Variants in MIS18A observed in about 807,000 individuals in gnomAD.
MIS18A encodes MIS18 kinetochore protein A.
A neutral mutation model predicts 25.0 loss-of-function variants in MIS18A; 14 were observed. That is an observed-to-expected ratio of 0.56 (90% CI 0.37 to 0.88). The LOEUF (loss-of-function observed/expected upper bound fraction) is 0.88. MIS18A is among the 40% of genes least tolerant of loss of function. The pLI, the probability that MIS18A is intolerant of heterozygous loss-of-function variation, is 0.00. For synonymous variants in MIS18A, 134 were observed against 118.6 expected (o/e 1.13, Z -0.84); for missense variants, 292 against 290.8 (o/e 1.00, Z -0.03).
Position 32,268,940 on chromosome 21 carries a change from C to CT in MIS18A, c.*96dup, listed in dbSNP as rs377622439. ...CGCATGCCTGGCTAATTTTTTTTTTCTTTTTTTTTTTGTAGAGACGACGTC... is the reference window on the plus strand; with the variant it reads ...CGCATGCCTGGCTAATTTTTTTTTTCTTTTTTTTTTTTGTAGAGACGACGTC... On this transcript the variant is annotated 3_prime_UTR_variant, in exon 5 of 5. Coordinates refer to ENST00000290130, the MANE Select transcript of MIS18A (RefSeq NM_018944.3). The CT allele has an allele frequency of 0.097, 50,614 of 520,300 alleles. 225 individuals are homozygous for CT. Among genetic ancestry groups the CT allele is most frequent in the African/African-American group, 0.14 (6,038 of 42,676 alleles). The allele number at this position is 520,300 out of a possible 1,614,324, so 32.2% of individuals were successfully genotyped here. A position where few individuals can be genotyped will look rare whatever the true frequency, so the allele number is the denominator to read the frequency against.
chr21:32,256,095 T>C, the MIS18A span, among the ~76,000 whole-genome samples: 1 of 152,070 alleles, frequency 6.6e-6, no homozygotes, highest in Non-Finnish European at 1.5e-5. Flanking sequence ...AAACAGAAGA[T>C]TCATTATTAA....
the MIS18A span, among the ~76,000 whole-genome samples, chr21:32,222,001 T>G: frequency 2.0e-5 from 3 of 151,948 alleles, no homozygotes; most frequent in East Asian, 5.8e-4. Flanking sequence ...ACTGGCAAAT[T>G]GGATAAAGAG....
the MIS18A span, among the ~76,000 whole-genome samples, chr21:32,253,325 C>T: frequency 1.3e-5 from 2 of 152,154 alleles, no homozygotes; most frequent in African/African-American, 4.8e-5. Flanking sequence ...CAGTTTCCAG[C>T]TGAGGATTGT....
At chr21:32,193,987 G>A in the MIS18A span, among the ~76,000 whole-genome samples, 2 of 152,076 alleles carry the variant, frequency 1.3e-5, no homozygotes, top group African/African-American at 4.8e-5. Flanking sequence ...GTACCCCCTT[G>A]CCAGCTGATA....
At chr21:32,249,644 G>A in the MIS18A span, among the ~76,000 whole-genome samples, 1 of 152,176 alleles carries the variant, frequency 6.6e-6, no homozygotes, top group African/African-American at 2.4e-5. Context: ...AACACATAAA[G>A]AAAAGAGACG....
chr21:32,176,348 G>C, the MIS18A span, among the ~76,000 whole-genome samples: 1 of 152,118 alleles, frequency 6.6e-6, no homozygotes, highest in Admixed American at 6.6e-5. Context: ...ACATCACTAG[G>C]TGATAGGGTT....
chr21:32,199,417 T>G, the MIS18A span, among the ~76,000 whole-genome samples: 61 of 151,908 alleles, frequency 4.0e-4, no homozygotes, highest in African/African-American at 1.5e-3. Flanking sequence ...CATAAAATAT[T>G]TTGCCTTGAA....
chr21:32,268,107 C>T (rs1183650936), downstream of MIS18A: 2 of 152,230 alleles, frequency 1.3e-5, no homozygotes, highest in South Asian at 2.1e-4. Context: ...TTGGGGTTAC[C>T]TTTATATTCC....
the MIS18A span, among the ~76,000 whole-genome samples, chr21:32,162,362 C>T: frequency 6.6e-6 from 1 of 152,194 alleles, no homozygotes; most frequent in African/African-American, 2.4e-5. Flanking sequence ...GGGCGCGCTG[C>T]GTCGAGGATC....
At chr21:32,177,778 T>A in the MIS18A span, among the ~76,000 whole-genome samples, 79 of 152,130 alleles carry the variant, frequency 5.2e-4, 1 homozygote, top group African/African-American at 1.9e-3. Context: ...TATTAATTAG[T>A]AATTATTAGT....
chr21:32,267,140 C>T (rs1271552118), downstream of MIS18A, among the ~76,000 whole-genome samples: 1 of 152,230 alleles, frequency 6.6e-6, no homozygotes, highest in Non-Finnish European at 1.5e-5. Context: ...GCAGCACTCC[C>T]ACCTGGACCC....
chr21:32,219,594 C>T, the MIS18A span, among the ~76,000 whole-genome samples: 1 of 152,104 alleles, frequency 6.6e-6, no homozygotes, highest in Non-Finnish European at 1.5e-5. Flanking sequence ...TTTTTTCATA[C>T]CCCAGTGGTG....
chr21:32,205,572 G>GT, the MIS18A span, among the ~76,000 whole-genome samples: 2 of 152,160 alleles, frequency 1.3e-5, no homozygotes, highest in African/African-American at 4.8e-5. Flanking sequence ...ATCTCTGTGT[G>GT]TGTTTTGGGG....
the MIS18A span, among the ~76,000 whole-genome samples, chr21:32,235,049 C>T: frequency 6.6e-6 from 1 of 152,186 alleles, no homozygotes; most frequent in Non-Finnish European, 1.5e-5. Flanking sequence ...GACCCATGCC[C>T]ATGGCAGATA....
At chr21:32,269,859 C>A in intron 3 of MIS18A, 56 bp from the exon 4 acceptor site, 1 of 1,078,252 alleles carries the variant, frequency 9.3e-7, no homozygotes, top group South Asian at 1.3e-5. Flanking sequence ...TGCACTTGTT[C>A]CCAGCTATTC....
Position 32,278,893 on chromosome 21 carries a change from C to G in MIS18A, c.122G>C (p.Arg41Pro). ...CGCCCACTTCTGCAACAGCTGGTGG[C>G]GGCTCGAGTCTTCGGAGAGTCTCTT... Reference protein sequence around the residue: ...LGKRLSEDSSRHQLLQKWASM... With the variant: ...LGKRLSEDSSPHQLLQKWASM... The change falls in exon 1 of 5, where the codon CGC becomes CCC. Residue 41 changes from arginine (R) to proline (P), a missense_variant. Coordinates refer to ENST00000290130, the MANE Select transcript of MIS18A (RefSeq NM_018944.3). The G allele has an allele frequency of 6.2e-7, 1 of 1,613,092 alleles. No homozygotes were observed.
chr21:32,189,320 T>A, the MIS18A span, among the ~76,000 whole-genome samples: 1 of 152,204 alleles, frequency 6.6e-6, no homozygotes, highest in Non-Finnish European at 1.5e-5. Flanking sequence ...ACTCTGTCAC[T>A]CAGGCTGGAG....
chr21:32,231,571 C>T, the MIS18A span, among the ~76,000 whole-genome samples: 27 of 152,116 alleles, frequency 1.8e-4, no homozygotes, highest in Non-Finnish European at 3.5e-4. Context: ...AATTTGAACG[C>T]TCATATGCTG....
At chr21:32,158,499 A>C in the MIS18A span, among the ~76,000 whole-genome samples, 1 of 149,016 alleles carries the variant, frequency 6.7e-6, no homozygotes, top group Non-Finnish European at 1.5e-5. Flanking sequence ...TTTGAGACAG[A>C]GTTTTGCTCC....
Sources: gnomAD v4.1 joint callset for allele counts (sites outside exome capture counted in the v4.1 genomes callset) on GRCh38, gnomAD v4.1.1 for gene constraint, MANE v1.5 for transcripts, NCBI Gene and HGNC (gene_info 2026-07-23, HGNC 2026-07-21) for gene names.